ZBTB7C: variants seen among roughly 807,000 people sequenced by gnomAD.
ZBTB7C encodes zinc finger and BTB domain-containing protein 7C.
ZBTB7C carries 8 observed loss-of-function variants against 25.7 expected under a neutral mutation model. That is an observed-to-expected ratio of 0.31 (90% CI 0.18 to 0.56). The LOEUF (loss-of-function observed/expected upper bound fraction) is 0.56, where lower values mean the gene tolerates loss of function less well. ZBTB7C is among the 20% of genes least tolerant of loss of function. The probability of loss-of-function intolerance (pLI) is 0.91; values close to 1 mark genes in which losing one functional copy is unlikely to be tolerated. For missense variants in ZBTB7C, 824 were observed against 855.2 expected, an observed-to-expected ratio of 0.96 and a Z score of 0.46; for synonymous variants, 394 against 369.0, an observed-to-expected ratio of 1.07 and a Z score of -0.78.
chr18:48,270,253 C>CTTTTTTTTT (rs760096959), intron 2 of ZBTB7C, among the ~76,000 whole-genome samples: 29 of 98,746 alleles, frequency 2.9e-4, no homozygotes, highest in South Asian at 7.8e-4. Flanking sequence ...TTCTCTCTTT[C>CTTTTTTTTT]TTTTTTTTTT....
intron 1 of ZBTB7C, among the ~76,000 whole-genome samples, chr18:48,398,586 C>T (rs572617097): frequency 2.6e-5 from 4 of 152,142 alleles, no homozygotes; most frequent in African/African-American, 4.8e-5. Context: ...AGGCTATGCC[C>T]GATGCTGCCT....
intron 3 of ZBTB7C, chr18:48,150,816 C>T (rs1278444728): frequency 6.6e-6 from 1 of 152,284 alleles, no homozygotes; most frequent in South Asian, 2.1e-4. Context: ...GACTTTACAT[C>T]TCACTGATGA....
At chr18:48,204,792 C>A (rs979982780) in intron 2 of ZBTB7C, among the ~76,000 whole-genome samples, 15 of 152,188 alleles carry the variant, frequency 9.9e-5, no homozygotes, top group Admixed American at 2.6e-4. Context: ...CCCAGCTATA[C>A]CCCTGCAGCC....
intron 3 of ZBTB7C, among the ~76,000 whole-genome samples, chr18:48,121,136 G>A (rs1018282409): frequency 3.9e-5 from 6 of 152,316 alleles, no homozygotes; most frequent in Admixed American, 1.3e-4. Flanking sequence ...TACTCCAGCT[G>A]AAAGAAAGCT....
At position 48,028,258 on chromosome 18, in the gene ZBTB7C, G is replaced by GACACT. The variant is rs2035587523; in HGVS notation, c.*1001_*1002insAGTGT. On this transcript the variant is annotated 3_prime_UTR_variant, in exon 5 of 5. Transcript: ENST00000590800. ...CCCAAGACACTGCACAGCCTTGGAG[G>GACACT]GGGCACTGGAGATGGGGGTAAACAT... is the stretch of plus-strand genomic sequence containing the variant. 1 of 152,234 alleles carries GACACT rather than the reference G, an allele frequency of 6.6e-6. No individual in the cohort carries two copies. Among genetic ancestry groups the GACACT allele is most frequent in the Non-Finnish European group, 1.5e-5 (1 of 68,090 alleles). 9.4% of individuals were successfully genotyped at this position (152,234 alleles called of 1,614,324 possible). A position where few individuals can be genotyped will look rare whatever the true frequency, so the allele number is the denominator to read the frequency against.
chr18:48,094,640 C>T (rs1296533076), intron 3 of ZBTB7C, among the ~76,000 whole-genome samples: 1 of 152,048 alleles, frequency 6.6e-6, no homozygotes, highest in Admixed American at 6.5e-5. Flanking sequence ...TTTTCTCATA[C>T]ACTTTTTCCC....
At chr18:48,347,653 C>T (rs1446873282) in intron 1 of ZBTB7C, among the ~76,000 whole-genome samples, 1 of 152,208 alleles carries the variant, frequency 6.6e-6, no homozygotes, top group Admixed American at 6.5e-5. Context: ...CCCAGCCAAC[C>T]TCTGCTTTCT....
chr18:48,207,718 C>T (rs1279458043), intron 2 of ZBTB7C, among the ~76,000 whole-genome samples: 1 of 152,048 alleles, frequency 6.6e-6, no homozygotes, highest in Non-Finnish European at 1.5e-5. Flanking sequence ...CCTCCCAAAA[C>T]GTTGGGATTA....
chr18:48,370,939 G>T (rs891711010), intron 1 of ZBTB7C, among the ~76,000 whole-genome samples: 20 of 152,104 alleles, frequency 1.3e-4, no homozygotes, highest in African/African-American at 4.8e-4. Context: ...ATTTGTAAAA[G>T]AAATCCAGAA....
intron 2 of ZBTB7C, among the ~76,000 whole-genome samples, chr18:48,214,609 C>T (rs2042780569): frequency 6.6e-6 from 1 of 152,208 alleles, no homozygotes; most frequent in Non-Finnish European, 1.5e-5. Flanking sequence ...AGGAAACTCC[C>T]ACCACTGCCA....
intron 1 of ZBTB7C, among the ~76,000 whole-genome samples, chr18:48,367,382 C>CATA (rs145541976): frequency 0.14 from 15,353 of 106,168 alleles, 1,057 homozygotes; most frequent in Non-Finnish European, 0.17. Context: ...AAAATACAAA[C>CATA]AGAAGACTCT....
chr18:48,039,761 G>T, intron 4 of ZBTB7C, 139 bp downstream of exon 4: 1 of 858,166 alleles, frequency 1.2e-6, no homozygotes, highest in Non-Finnish European at 1.9e-6. Context: ...GTGATGCCTA[G>T]CACCCCTGCT....
intron 2 of ZBTB7C, among the ~76,000 whole-genome samples, chr18:48,275,011 T>C (rs914735273): frequency 2.6e-5 from 4 of 152,198 alleles, no homozygotes; most frequent in Non-Finnish European, 1.5e-5. Context: ...TCTGGGGGCT[T>C]CGTCATCTCC....
intron 3 of ZBTB7C, among the ~76,000 whole-genome samples, chr18:48,167,049 T>C (rs2041272862): frequency 6.6e-6 from 1 of 152,240 alleles, no homozygotes; most frequent in South Asian, 2.1e-4. Flanking sequence ...GCTGCCCTTC[T>C]ACCCAAGCTG....
chr18:48,031,537 G>T (rs2035747671), intron 4 of ZBTB7C, among the ~76,000 whole-genome samples: 1 of 152,206 alleles, frequency 6.6e-6, no homozygotes, highest in Admixed American at 6.5e-5. Context: ...AGGAGGAAGG[G>T]ACTTCAGAGA....
At chr18:48,211,005 A>G (rs2042690765) in intron 2 of ZBTB7C, among the ~76,000 whole-genome samples, 1 of 152,210 alleles carries the variant, frequency 6.6e-6, no homozygotes, top group African/African-American at 2.4e-5. Context: ...AAATAGATCA[A>G]TGGAACAAAG....
chr18:48,304,114 C>T (rs1039183033), intron 2 of ZBTB7C, among the ~76,000 whole-genome samples: 7 of 152,296 alleles, frequency 4.6e-5, no homozygotes, highest in Admixed American at 4.6e-4. Context: ...GAGCCCACAC[C>T]TTAACCATCA....
intron 3 of ZBTB7C, among the ~76,000 whole-genome samples, chr18:48,147,412 G>A (rs770972062): frequency 6.6e-6 from 1 of 152,122 alleles, no homozygotes. Context: ...ACCACTGAAC[G>A]TAATCTGGAT....
chr18:48,335,698 T>C (rs1301560242), intron 2 of ZBTB7C, among the ~76,000 whole-genome samples: 1 of 152,298 alleles, frequency 6.6e-6, no homozygotes, highest in Admixed American at 6.5e-5. Context: ...CAACTTGAAA[T>C]GTGGTTGGTC....
Sources: gnomAD v4.1 joint callset for allele counts (sites outside exome capture counted in the v4.1 genomes callset) on GRCh38, gnomAD v4.1.1 for gene constraint, MANE v1.5 for transcripts, NCBI Gene and HGNC (gene_info 2026-07-23, HGNC 2026-07-21) for gene names.